Variants in DCC observed in about 807,000 individuals in gnomAD.
DCC encodes the protein netrin receptor DCC.
DCC carries 58 observed loss-of-function variants against 172.5 expected under a neutral mutation model. The observed-to-expected ratio is 0.34, with a 90% CI of 0.27 to 0.42. The LOEUF (loss-of-function observed/expected upper bound fraction) is 0.42, where lower values mean the gene tolerates loss of function less well. Among genes scored for constraint, DCC ranks in the 10% least tolerant of loss-of-function variants. The pLI is 1.00. For missense variants in DCC, 1,740 were observed against 1,791.0 expected (o/e 0.97, Z 0.51); for synonymous variants, 709 against 644.5 (o/e 1.10, Z -1.52).
chr18:52,890,841 C>T (rs1020974928), intron 2 of DCC, among the ~76,000 whole-genome samples: 1 of 152,040 alleles, frequency 6.6e-6, no homozygotes, highest in Non-Finnish European at 1.5e-5. Context: ...AAGAGTTTGC[C>T]TCAAAGGACA....
rs73465020 is a variant in DCC, at chr18:53,321,050, T to C, written c.2054-997T>C. 5.8e-3 allele frequency among the ~76,000 whole-genome samples: 879 copies of C among 152,316 alleles called. 9 individuals carry two copies. The highest frequency in any genetic ancestry group is 0.02 in the African/African-American group (833 of 41,570). ...TATTTAAAATACCATCTCCTATTAG[T>C]AGTAAGTTTGAATTCCCCTTACTAC... On this transcript the variant is annotated intron_variant, in intron 13 of 28. Coordinates refer to ENST00000442544, the MANE Select transcript of DCC (RefSeq NM_005215.4).
chr18:53,486,322 C>A (rs536989272), intron 25 of DCC, among the ~76,000 whole-genome samples: 1 of 152,262 alleles, frequency 6.6e-6, no homozygotes, highest in East Asian at 1.9e-4. Context: ...AAACACTTTG[C>A]TTCTCTCTCT....
Position 52,497,274 on chromosome 18 carries a change from AAAAAAAATATATAT to A in DCC, c.91+156398_91+156411del, listed in dbSNP as rs1305598035. Among the ~76,000 whole-genome samples, 113 of 84,140 alleles carry A rather than the reference AAAAAAAATATATAT, an allele frequency of 1.3e-3. 20 individuals are homozygous for A. The highest frequency in any genetic ancestry group is 4.6e-3 in the African/African-American group (102 of 22,054). 55.2% of individuals were successfully genotyped at this position (84,140 alleles called of 152,430 possible). ...AGACCCTGTATCAAAAAAAAAAAAA[AAAAAAAATATATAT>A]ATATATATATATATATATATATATA... On this transcript the variant is annotated intron_variant, in intron 1 of 28. Transcript: ENST00000442544.
intron 28 of DCC, chr18:53,530,353 AT>A (rs1477709184): frequency 1.4e-6 from 1 of 703,266 alleles, no homozygotes. Flanking sequence ...ACAGGTGGAG[AT>A]GGAGTGGGTG....
At chr18:52,504,153 G>T (rs532494878) in intron 1 of DCC, among the ~76,000 whole-genome samples, 1 of 152,110 alleles carries the variant, frequency 6.6e-6, no homozygotes, top group Non-Finnish European at 1.5e-5. Context: ...GAGGGGGGCT[G>T]GTACGGGTGA....
chr18:53,465,492 T>C lies in DCC; in HGVS notation c.3620-2402T>C, dbSNP rs984264180. On this transcript the variant is annotated intron_variant, in intron 24 of 28. Transcript: ENST00000442544. The stretch of plus-strand genomic sequence containing the variant: ...ATATAAGTTGTTTACCTCTCACTAC[T>C]TCTAAGATTTTTTTGTTGTTCTTGT... 1.2e-4 allele frequency among the ~76,000 whole-genome samples: 18 copies of C among 152,294 alleles called. No homozygotes were observed. In the East Asian group the frequency reaches 3.5e-3, roughly 29 times the overall value.
At chr18:53,091,157 C>A (rs1461194771) in intron 7 of DCC, among the ~76,000 whole-genome samples, 2 of 151,850 alleles carry the variant, frequency 1.3e-5, no homozygotes, top group African/African-American at 4.8e-5. Context: ...AGCTGAAGAA[C>A]GTAAATTAGA....
rs563098854 is a variant in DCC, at chr18:52,563,294, A to G, written c.92-188760A>G. Among the ~76,000 whole-genome samples, 4 of 152,190 alleles carry G rather than the reference A, an allele frequency of 2.6e-5. No individual in the cohort carries two copies. The South Asian group carries it at 8.3e-4, about 31-fold the overall frequency. On this transcript the variant is annotated intron_variant, in intron 1 of 28. Coordinates refer to ENST00000442544, the MANE Select transcript of DCC (RefSeq NM_005215.4). ...ATCACTACTGTCAACTCATAAACATAGGTATTAGAAGAAATAAAACCCTCT... is the reference window on the plus strand; with the variant it reads ...ATCACTACTGTCAACTCATAAACATGGGTATTAGAAGAAATAAAACCCTCT...
rs183247647 is a variant in DCC at position 53,243,149 on chromosome 18, G to C, written c.1911+27552G>C. The stretch of plus-strand genomic sequence containing the variant: ...GTCCTATTTTGGTTTATGTGGCATA[G>C]ATGCTGGCAAGGAAGGAAATGTCGC... On this transcript the variant is annotated intron_variant, in intron 12 of 28. Coordinates refer to ENST00000442544, the MANE Select transcript of DCC (RefSeq NM_005215.4). 1.8e-4 allele frequency among the ~76,000 whole-genome samples: 27 copies of C among 152,284 alleles called. No homozygotes were observed. In the East Asian group the frequency reaches 5.2e-3, roughly 29 times the overall value.
At chr18:52,798,793 C>T (rs2037926693) in intron 2 of DCC, among the ~76,000 whole-genome samples, 1 of 151,444 alleles carries the variant, frequency 6.6e-6, no homozygotes, top group African/African-American at 2.4e-5. Flanking sequence ...ACTCTTGTTG[C>T]CCAGGCTGGA....
intron 1 of DCC, among the ~76,000 whole-genome samples, chr18:52,424,011 A>T: frequency 6.6e-6 from 1 of 152,062 alleles, no homozygotes; most frequent in Non-Finnish European, 1.5e-5. Context: ...AAAGTCCAGG[A>T]TATGGCTCAG....
At chr18:52,886,944 G>C (rs967747141) in intron 2 of DCC, among the ~76,000 whole-genome samples, 1 of 152,014 alleles carries the variant, frequency 6.6e-6, no homozygotes, top group Non-Finnish European at 1.5e-5. Context: ...ACAGGCATTG[G>C]ACTAGATTTT....
chr18:52,915,285 A>G (rs758232958), intron 3 of DCC, among the ~76,000 whole-genome samples: 1 of 152,124 alleles, frequency 6.6e-6, no homozygotes, highest in Non-Finnish European at 1.5e-5. Context: ...ACATTTGATC[A>G]CATCCAGTGT....
chr18:53,466,558 C>G (rs1158240410), intron 24 of DCC, among the ~76,000 whole-genome samples: 1 of 152,144 alleles, frequency 6.6e-6, no homozygotes, highest in Non-Finnish European at 1.5e-5. Context: ...CTGAGTCTCT[C>G]TCTGTCACCC....
chr18:52,422,501 T>C (rs1419601940), intron 1 of DCC, among the ~76,000 whole-genome samples: 1 of 152,192 alleles, frequency 6.6e-6, no homozygotes, highest in African/African-American at 2.4e-5. Context: ...AAGATCATAG[T>C]TGGGAAGACT....
In DCC at chr18:53,464,532, CA is replaced by C. The variant is rs200889629; in HGVS notation, c.3620-3356del. On this transcript the variant is annotated intron_variant, in intron 24 of 28. Coordinates refer to ENST00000442544, the MANE Select transcript of DCC (RefSeq NM_005215.4). ...GAGACAAGCCACAAAGTGTTACTACCAAAAAATTTTATGCTTCAAAAAAAGT... is the reference window on the plus strand; with the variant it reads ...GAGACAAGCCACAAAGTGTTACTACCAAAAATTTTATGCTTCAAAAAAAGT... Among the ~76,000 whole-genome samples, 69 of 151,610 alleles carry C rather than the reference CA, an allele frequency of 4.6e-4. No homozygotes were observed. In the East Asian group the frequency reaches 0.013, roughly 28 times the overall value.
At chr18:52,832,458 C>T (rs2038633187) in intron 2 of DCC, among the ~76,000 whole-genome samples, 2 of 120,128 alleles carry the variant, frequency 1.7e-5, no homozygotes, top group Non-Finnish European at 3.7e-5. Flanking sequence ...CCCTCAAAAA[C>T]CCTGTGCACC....
At chr18:52,393,649 C>T (rs1393772313) in intron 1 of DCC, among the ~76,000 whole-genome samples, 1 of 151,978 alleles carries the variant, frequency 6.6e-6, no homozygotes, top group Non-Finnish European at 1.5e-5. Flanking sequence ...GACTAAAGCC[C>T]AGGGATCAAT....
intron 9 of DCC, among the ~76,000 whole-genome samples, chr18:53,197,323 G>C (rs1427845141): frequency 2.6e-5 from 4 of 151,282 alleles, no homozygotes; most frequent in African/African-American, 4.9e-5. Flanking sequence ...ATCAGCCACA[G>C]AATTCTGACC....
Sources: allele counts gnomAD v4.1 joint callset (sites outside exome capture counted in the v4.1 genomes callset), GRCh38; gene constraint gnomAD v4.1.1; transcripts MANE v1.5; gene names NCBI Gene and HGNC (gene_info 2026-07-23, HGNC 2026-07-21).